The following GPC6 variants were observed in gnomAD, a reference collection of about 807,000 sequenced individuals.
GPC6 encodes the protein glypican 6, also known as glypican-6.
Under a neutral mutation model 55.2 loss-of-function variants are expected in GPC6, and 14 were observed. The observed-to-expected ratio is 0.25, with a 90% CI of 0.17 to 0.40. The LOEUF (loss-of-function observed/expected upper bound fraction) is 0.40, where lower values mean the gene tolerates loss of function less well. GPC6 is among the 10% of genes least tolerant of loss of function. The pLI, the probability that GPC6 is intolerant of heterozygous loss-of-function variation, is 1.00. For synonymous variants in GPC6, 278 were observed against 259.6 expected (o/e 1.07, Z -0.68); for missense variants, 641 against 708.5 (o/e 0.90, Z 1.08).
intron 4 of GPC6, among the ~76,000 whole-genome samples, chr13:94,087,390 G>A (rs1261906813): frequency 6.6e-6 from 1 of 152,184 alleles, no homozygotes; most frequent in Non-Finnish European, 1.5e-5. Flanking sequence ...TAAAACAGGA[G>A]CAAATCAGAA....
chr13:93,668,807 C>T (rs565601156), intron 2 of GPC6, among the ~76,000 whole-genome samples: 20 of 152,266 alleles, frequency 1.3e-4, no homozygotes, highest in Admixed American at 1.0e-3. Context: ...TTCAAACTAT[C>T]AAGTTCATGA....
intron 2 of GPC6, among the ~76,000 whole-genome samples, chr13:93,552,104 T>G (rs528726405): frequency 6.6e-6 from 1 of 152,330 alleles, no homozygotes; most frequent in East Asian, 1.9e-4. Flanking sequence ...TCTGTACATT[T>G]GCTAGGCTAC....
Position 93,227,469 on chromosome 13 carries a change from A to T in GPC6, c.13A>T (p.Ile5Phe), listed in dbSNP as rs1875832160. MPSW[I>F]GAVILPLLGL... ...TGTATGTTGCACCATGCCTTCTTGG[A>T]TCGGGGCTGTGATTCTTCCCCTCTT... The change falls in exon 1 of 9, where the codon ATC becomes TTC. Residue 5 changes from isoleucine to phenylalanine, a missense_variant. Physicochemically the swap from Ile to Phe is conservative, Grantham distance 21. Transcript: ENST00000377047. This position sits in a 1 kb window ranked among gnomAD's most constrained non-coding sequence, Gnocchi z 4.3. 2 of 1,613,736 alleles carry T rather than the reference A, an allele frequency of 1.2e-6. No homozygotes were observed. Among genetic ancestry groups the T allele is most frequent in the East Asian group, 4.5e-5 (2 of 44,788 alleles).
chr13:93,540,429 GAT>G (rs1306913162), intron 1 of GPC6, among the ~76,000 whole-genome samples: 1 of 151,936 alleles, frequency 6.6e-6, no homozygotes, highest in Middle Eastern at 3.2e-3. Flanking sequence ...ACTTGAATTT[GAT>G]GTTTATCATT....
chr13:93,860,118 G>T (rs1240794707), intron 3 of GPC6, among the ~76,000 whole-genome samples: 1 of 151,612 alleles, frequency 6.6e-6, no homozygotes, highest in Non-Finnish European at 1.5e-5. Flanking sequence ...ACTAGTACCA[G>T]CATTGTCTTC....
intron 2 of GPC6, among the ~76,000 whole-genome samples, chr13:93,707,047 A>G (rs1882877132): frequency 6.6e-6 from 1 of 151,778 alleles, no homozygotes; most frequent in Non-Finnish European, 1.5e-5. Context: ...TTTGTTCTCT[A>G]TTTCCTCCTA....
intron 3 of GPC6, among the ~76,000 whole-genome samples, chr13:93,936,700 A>C (rs1432998612): frequency 6.6e-6 from 1 of 152,232 alleles, no homozygotes; most frequent in Admixed American, 6.5e-5. Flanking sequence ...CCAATGCATT[A>C]AAGATGAAAC....
At chr13:93,969,238 C>T (rs1880181597) in intron 3 of GPC6, among the ~76,000 whole-genome samples, 2 of 152,122 alleles carry the variant, frequency 1.3e-5, no homozygotes, top group South Asian at 4.1e-4. Context: ...CTGGTTGTAT[C>T]AGCAAAACCC....
chr13:93,890,836 G>C (rs1471386822), intron 3 of GPC6, among the ~76,000 whole-genome samples: 1 of 149,962 alleles, frequency 6.7e-6, no homozygotes, highest in Non-Finnish European at 1.5e-5. Context: ...TAATAATGGA[G>C]ACTCAATTTC....
intron 1 of GPC6, among the ~76,000 whole-genome samples, chr13:93,381,301 A>T (rs547372289): frequency 2.6e-5 from 4 of 152,144 alleles, no homozygotes; most frequent in Non-Finnish European, 5.9e-5. Flanking sequence ...TGATAGTGTC[A>T]TTGCTCAAGG....
At chr13:94,006,564 A>C (rs1466736275) in intron 3 of GPC6, among the ~76,000 whole-genome samples, 1 of 152,224 alleles carries the variant, frequency 6.6e-6, no homozygotes, top group East Asian at 1.9e-4. Flanking sequence ...ACATTAATAA[A>C]GTAAAAACCA....
chr13:93,443,962 A>G (rs1877900460), intron 1 of GPC6, among the ~76,000 whole-genome samples: 2 of 152,206 alleles, frequency 1.3e-5, no homozygotes, highest in South Asian at 4.1e-4. Flanking sequence ...AGCAGTAACC[A>G]TTATATCCGC....
intron 1 of GPC6, among the ~76,000 whole-genome samples, chr13:93,343,445 A>G (rs969370262): frequency 2.0e-5 from 3 of 152,050 alleles, no homozygotes; most frequent in African/African-American, 7.2e-5. Flanking sequence ...TACCCCAGAT[A>G]CTCACCAGTA....
chr13:94,189,952 C>T (rs1889331582), intron 4 of GPC6, among the ~76,000 whole-genome samples: 3 of 147,982 alleles, frequency 2.0e-5, no homozygotes, highest in Admixed American at 6.8e-5. Context: ...AACTGGGAGG[C>T]GGAGCTTGCA....
At position 94,247,335 on chromosome 13, in the gene GPC6, C is replaced by T. The variant is rs139616734; in HGVS notation, c.878-39014C>T. On this transcript the variant is annotated intron_variant, in intron 4 of 8. Coordinates refer to ENST00000377047, the MANE Select transcript of GPC6 (RefSeq NM_005708.5). ...ATTCCTTCCTGATTTAGATACCTTT[C>T]ATTTCTTTTCTCTTGCCTCTTTGCT... is the stretch of plus-strand genomic sequence containing the variant. 9.3e-3 allele frequency among the ~76,000 whole-genome samples: 1,417 copies of T among 152,118 alleles called. 14 individuals are homozygous for T. Among genetic ancestry groups the T allele is most frequent in the Middle Eastern group, 0.02 (6 of 294 alleles).
chr13:93,768,692 T>A (rs1204443641), intron 2 of GPC6, among the ~76,000 whole-genome samples: 1 of 152,180 alleles, frequency 6.6e-6, no homozygotes, highest in Non-Finnish European at 1.5e-5. Context: ...ATTAAGATGA[T>A]CTTCGTACAG....
At chr13:93,319,471 G>T (rs950878153) in intron 1 of GPC6, among the ~76,000 whole-genome samples, 71 of 152,112 alleles carry the variant, frequency 4.7e-4, no homozygotes, top group Non-Finnish European at 7.4e-5. Flanking sequence ...CCACAAAACA[G>T]AATGTGATGC....
intron 1 of GPC6, among the ~76,000 whole-genome samples, chr13:93,493,999 G>T (rs1880147148): frequency 7.8e-6 from 1 of 127,568 alleles, no homozygotes; most frequent in Non-Finnish European, 1.7e-5. Flanking sequence ...TGTATATTCT[G>T]TTGATTTGTG....
intron 4 of GPC6, among the ~76,000 whole-genome samples, chr13:94,124,552 G>A (rs1886741930): frequency 6.6e-6 from 1 of 151,994 alleles, no homozygotes; most frequent in Admixed American, 6.6e-5. Context: ...GCACACACTG[G>A]GGGATAGAGG....
Sources: gnomAD v4.1 joint callset for allele counts (sites outside exome capture counted in the v4.1 genomes callset) on GRCh38, gnomAD v4.1.1 for gene constraint, Gnocchi (gnomAD v3.1) non-coding constraint, MANE v1.5 for transcripts, NCBI Gene and HGNC (gene_info 2026-07-23, HGNC 2026-07-21) for gene names.